Variants in THRB observed in about 807,000 individuals in gnomAD.
THRB encodes the protein thyroid hormone receptor beta.
THRB carries 12 observed loss-of-function variants against 47.8 expected under a neutral mutation model. The observed-to-expected ratio is 0.25, with a 90% CI of 0.16 to 0.41. THRB has a LOEUF of 0.41. Ranked by LOEUF, THRB falls within the 10% of genes least tolerant of loss-of-function variation. THRB has a pLI of 1.00. For synonymous variants in THRB, 218 were observed against 212.2 expected (o/e 1.03, Z -0.24); for missense variants, 348 against 589.2 (o/e 0.59, Z 4.24).
chr3:24,171,473 A>T (rs1035770944), intron 5 of THRB, among the ~76,000 whole-genome samples: 2 of 152,186 alleles, frequency 1.3e-5, no homozygotes, highest in Non-Finnish European at 2.9e-5. Flanking sequence ...ATATTACAGC[A>T]GGAACTTCTG....
chr3:24,183,424 T>G (rs1213048835), intron 5 of THRB, among the ~76,000 whole-genome samples: 4 of 146,546 alleles, frequency 2.7e-5, no homozygotes, highest in Non-Finnish European at 4.5e-5. Flanking sequence ...TGGAGTGCAA[T>G]GGCGCTATCT....
chr3:24,285,430 T>G (rs1483161999), intron 3 of THRB, among the ~76,000 whole-genome samples: 15 of 99,454 alleles, frequency 1.5e-4, no homozygotes, highest in Admixed American at 4.0e-4. Context: ...TGGGGACTGT[T>G]GTGGGGTGGG....
intron 1 of THRB, among the ~76,000 whole-genome samples, chr3:24,381,095 C>T (rs1027836977): frequency 7.6e-6 from 1 of 132,426 alleles, no homozygotes; most frequent in Non-Finnish European, 1.6e-5. Flanking sequence ...AGCCTGGTGA[C>T]AGAGTGAGAC....
intron 5 of THRB, among the ~76,000 whole-genome samples, chr3:24,162,026 A>G (rs965091967): frequency 8.5e-5 from 13 of 152,150 alleles, no homozygotes; most frequent in African/African-American, 3.1e-4. Flanking sequence ...CTGTTTCAAC[A>G]GACCCGGCTG....
At chr3:24,213,161 T>C (rs530498094) in intron 4 of THRB, among the ~76,000 whole-genome samples, 3 of 152,232 alleles carry the variant, frequency 2.0e-5, no homozygotes, top group Admixed American at 2.0e-4. Flanking sequence ...GGAAGTGTGT[T>C]TGGTGAAATT....
At chr3:24,188,323 T>A (rs2042863412) in intron 5 of THRB, among the ~76,000 whole-genome samples, 1 of 152,208 alleles carries the variant, frequency 6.6e-6, no homozygotes, top group Non-Finnish European at 1.5e-5. Context: ...AAATACATCA[T>A]CTTATTTAAT....
At chr3:24,334,171 A>G (rs1460435629) in intron 2 of THRB, among the ~76,000 whole-genome samples, 1 of 152,220 alleles carries the variant, frequency 6.6e-6, no homozygotes, top group African/African-American at 2.4e-5. Flanking sequence ...GACGGTCAAA[A>G]TGCCCTACTG....
chr3:24,460,582 T>C (rs974178155), intron 1 of THRB, among the ~76,000 whole-genome samples: 1 of 152,224 alleles, frequency 6.6e-6, no homozygotes, highest in Admixed American at 6.5e-5. Flanking sequence ...AGCTTAACTT[T>C]ATAATTCACT....
At chr3:24,129,292 C>T (rs568969849) in intron 9 of THRB, among the ~76,000 whole-genome samples, 53 of 152,248 alleles carry the variant, frequency 3.5e-4, no homozygotes, top group African/African-American at 1.3e-3. Context: ...CTGCATTTCC[C>T]CCAAGTTCCC....
chr3:24,330,098 G>C (rs1218768954), intron 2 of THRB, among the ~76,000 whole-genome samples: 2 of 152,142 alleles, frequency 1.3e-5, no homozygotes, highest in Non-Finnish European at 2.9e-5. Flanking sequence ...GAGGTCAGGA[G>C]ATCGAGACCA....
chr3:24,259,955 A>G (rs935793850), intron 3 of THRB, among the ~76,000 whole-genome samples: 3 of 152,182 alleles, frequency 2.0e-5, no homozygotes, highest in Admixed American at 2.0e-4. Flanking sequence ...TTAATGGTTC[A>G]TGGTACATTC....
chr3:24,185,352 CTG>C (rs2042435522), intron 5 of THRB, among the ~76,000 whole-genome samples: 1 of 152,152 alleles, frequency 6.6e-6, no homozygotes, highest in South Asian at 2.1e-4. Flanking sequence ...AGAGAAAAGA[CTG>C]AAATGTAATA....
chr3:24,154,630 G>A (rs1047455973), intron 5 of THRB, among the ~76,000 whole-genome samples: 15 of 152,178 alleles, frequency 9.9e-5, no homozygotes, highest in Non-Finnish European at 1.6e-4. Context: ...AAGGAGGTGT[G>A]CTCATGTGCT....
intron 2 of THRB, among the ~76,000 whole-genome samples, chr3:24,335,663 C>T (rs2062201355): frequency 6.6e-6 from 1 of 152,190 alleles, no homozygotes; most frequent in African/African-American, 2.4e-5. Flanking sequence ...CCAATCCTCT[C>T]TTCTCCCCAA....
At chr3:24,179,405 A>G (rs1388897083) in intron 5 of THRB, among the ~76,000 whole-genome samples, 2 of 152,228 alleles carry the variant, frequency 1.3e-5, no homozygotes, top group African/African-American at 4.8e-5. Flanking sequence ...AAATGACATA[A>G]TAATAATATG....
chr3:24,344,283 CT>C (rs1295893088), intron 1 of THRB, among the ~76,000 whole-genome samples: 1 of 151,928 alleles, frequency 6.6e-6, no homozygotes, highest in African/African-American at 2.4e-5. Context: ...AGGATGGTGA[CT>C]TTTGGGTTGG....
intron 2 of THRB, among the ~76,000 whole-genome samples, chr3:24,331,571 A>T (rs1244315976): frequency 6.6e-6 from 1 of 152,088 alleles, no homozygotes; most frequent in Non-Finnish European, 1.5e-5. Context: ...GGTGGTATGG[A>T]GCCCTAGAAA....
At chr3:24,305,736 C>T (rs2057290647) in intron 2 of THRB, among the ~76,000 whole-genome samples, 1 of 152,182 alleles carries the variant, frequency 6.6e-6, no homozygotes. Context: ...TCATTTCCCT[C>T]TGTATCTACC....
At chr3:24,425,207 C>T (rs1042918236) in intron 1 of THRB, among the ~76,000 whole-genome samples, 27 of 151,620 alleles carry the variant, frequency 1.8e-4, no homozygotes, top group Non-Finnish European at 3.1e-4. Flanking sequence ...ACAAATTGTC[C>T]TTAAAAAAAA....
Sources: gnomAD v4.1 joint callset for allele counts (sites outside exome capture counted in the v4.1 genomes callset) on GRCh38, gnomAD v4.1.1 for gene constraint, MANE v1.5 for transcripts, NCBI Gene and HGNC (gene_info 2026-07-23, HGNC 2026-07-21) for gene names.